MTSS1: variants seen among roughly 807,000 people sequenced by gnomAD.
MTSS1 encodes MTSS I-BAR domain containing 1.
In MTSS1, 18 loss-of-function variants were observed where a neutral mutation model predicts 79.0. The ratio of observed to expected loss-of-function variants is 0.23; its 90% CI spans 0.16 to 0.34. The LOEUF (loss-of-function observed/expected upper bound fraction) is 0.34. Ranked by LOEUF, MTSS1 falls within the 10% of genes least tolerant of loss-of-function variation. MTSS1 has a pLI of 1.00. For synonymous variants in MTSS1, 341 were observed against 368.6 expected (o/e 0.93, Z 0.86); for missense variants, 815 against 986.2 (o/e 0.83, Z 2.33).
chr8:124,570,335 G>A lies in MTSS1; in HGVS notation c.461-1799C>T, dbSNP rs377696235. Among the ~76,000 whole-genome samples the A allele has an allele frequency of 5.3e-5, 8 of 152,094 alleles. No homozygotes were observed. The East Asian group carries it at 5.8e-4, about 11-fold the overall frequency. On this transcript the variant is annotated intron_variant, in intron 6 of 13. Transcript: ENST00000518547. The stretch of plus-strand genomic sequence containing the variant: ...GTAGATAGTATGTATCTAAGTCCAC[G>A]GAGGGGTGCTACCCAACGATTATAC...
chr8:124,614,984 G>A (rs1836572250), intron 3 of MTSS1, among the ~76,000 whole-genome samples: 1 of 152,238 alleles, frequency 6.6e-6, no homozygotes, highest in Non-Finnish European at 1.5e-5. Flanking sequence ...AGAAGGGCTT[G>A]TCTAAGCTGA....
At chr8:124,671,032 ATTTTTCTTTTTTC>A (rs1317376131) in intron 3 of MTSS1, among the ~76,000 whole-genome samples, 4 of 91,392 alleles carry the variant, frequency 4.4e-5, no homozygotes, top group African/African-American at 1.3e-4. Flanking sequence ...CTTCTAGAAC[ATTTTTCTTTTTTC>A]TTTTTCTTTT....
intron 1 of MTSS1, among the ~76,000 whole-genome samples, chr8:124,717,166 T>A (rs1257217349): frequency 6.6e-6 from 1 of 152,094 alleles, no homozygotes; most frequent in Non-Finnish European, 1.5e-5. Flanking sequence ...CGCCACCTCC[T>A]CTGCGAGGCC....
intron 3 of MTSS1, among the ~76,000 whole-genome samples, chr8:124,620,955 G>A (rs1018445147): frequency 2.0e-5 from 3 of 152,138 alleles, no homozygotes; most frequent in South Asian, 4.1e-4. Context: ...GAGGTCATCC[G>A]CACCCACATT....
At chr8:124,610,051 G>A (rs939297467) in intron 3 of MTSS1, among the ~76,000 whole-genome samples, 3 of 152,136 alleles carry the variant, frequency 2.0e-5, no homozygotes, top group Non-Finnish European at 4.4e-5. Flanking sequence ...GTCATCTAGG[G>A]AAAGAACATA....
At chr8:124,725,101 C>A (rs375716395) in intron 1 of MTSS1, among the ~76,000 whole-genome samples, 6 of 152,186 alleles carry the variant, frequency 3.9e-5, no homozygotes, top group Admixed American at 6.5e-5. Context: ...GGCTTCCTCT[C>A]GTCAAGGAAT....
chr8:124,647,770 T>C (rs763042842), intron 3 of MTSS1, among the ~76,000 whole-genome samples: 3 of 152,246 alleles, frequency 2.0e-5, no homozygotes, highest in Non-Finnish European at 2.9e-5. Flanking sequence ...AATGACTATA[T>C]AGACGTATCC....
chr8:124,595,621 TG>T (rs535677293), intron 3 of MTSS1, among the ~76,000 whole-genome samples: 163 of 152,340 alleles, frequency 1.1e-3, no homozygotes, highest in Admixed American at 3.0e-3. Flanking sequence ...GGGACCCACC[TG>T]GATCATCCAG....
intron 5 of MTSS1, among the ~76,000 whole-genome samples, chr8:124,588,639 G>T (rs139762582): frequency 1.8e-4 from 27 of 152,342 alleles, no homozygotes; most frequent in African/African-American, 6.0e-4. Flanking sequence ...ATCATTAAAA[G>T]TCTGGCTTTC....
intron 6 of MTSS1, chr8:124,580,353 A>T: frequency 1.8e-6 from 1 of 568,498 alleles, no homozygotes; most frequent in Non-Finnish European, 3.1e-6. Context: ...AAATGGCTAA[A>T]CATCCAAAAA....
At chr8:124,721,887 G>A (rs557230616) in intron 1 of MTSS1, among the ~76,000 whole-genome samples, 1 of 152,256 alleles carries the variant, frequency 6.6e-6, no homozygotes, top group Non-Finnish European at 1.5e-5. Context: ...GTAACCACAC[G>A]CATGCAGCCA....
intron 3 of MTSS1, among the ~76,000 whole-genome samples, chr8:124,657,765 C>G (rs1821239216): frequency 6.6e-6 from 1 of 152,204 alleles, no homozygotes; most frequent in African/African-American, 2.4e-5. Context: ...GCATGAGGCT[C>G]TCAGCTCACA....
At chr8:124,710,124 T>C (rs1830945309) in intron 1 of MTSS1, among the ~76,000 whole-genome samples, 1 of 152,082 alleles carries the variant, frequency 6.6e-6, no homozygotes, top group African/African-American at 2.4e-5. Flanking sequence ...GAGTGACACA[T>C]TTATGCTGGC....
chr8:124,718,028 A>G (rs1158284752), intron 1 of MTSS1, among the ~76,000 whole-genome samples: 1 of 152,222 alleles, frequency 6.6e-6, no homozygotes, highest in African/African-American at 2.4e-5. Flanking sequence ...CAAGGACGCC[A>G]GGCCGCTAAG....
chr8:124,556,192 T>C, intron 12 of MTSS1, 40 bp downstream of exon 12: 2 of 1,613,736 alleles, frequency 1.2e-6, no homozygotes, highest in Non-Finnish European at 1.7e-6. Flanking sequence ...CCAGCCAGGC[T>C]GAGGTGGCCC....
intron 3 of MTSS1, among the ~76,000 whole-genome samples, chr8:124,609,984 G>A (rs1279878072): frequency 6.6e-6 from 1 of 152,144 alleles, no homozygotes; most frequent in Non-Finnish European, 1.5e-5. Flanking sequence ...ACAGGGACAG[G>A]AGATCTGGAC....
At chr8:124,595,580 C>A (rs1832617754) in intron 3 of MTSS1, among the ~76,000 whole-genome samples, 1 of 152,148 alleles carries the variant, frequency 6.6e-6, no homozygotes, top group Non-Finnish European at 1.5e-5. Context: ...ATTTTCCTGC[C>A]TCCTTCTTAT....
chr8:124,719,366 C>T (rs1037778947), intron 1 of MTSS1, among the ~76,000 whole-genome samples: 2 of 152,302 alleles, frequency 1.3e-5, no homozygotes, highest in South Asian at 2.1e-4. Context: ...AACTCAGTTC[C>T]GAGCGAGGGT....
At chr8:124,603,314 C>T (rs1834250338) in intron 3 of MTSS1, among the ~76,000 whole-genome samples, 1 of 152,182 alleles carries the variant, frequency 6.6e-6, no homozygotes, top group Non-Finnish European at 1.5e-5. Context: ...GTGTGAGCCA[C>T]AGTGCCTGGC....
Sources: gnomAD v4.1 joint callset for allele counts (sites outside exome capture counted in the v4.1 genomes callset) on GRCh38, gnomAD v4.1.1 for gene constraint, MANE v1.5 for transcripts, NCBI Gene and HGNC (gene_info 2026-07-23, HGNC 2026-07-21) for gene names.